CD36: variants seen among roughly 807,000 people sequenced by gnomAD.
CD36 encodes CD36 molecule (CD36 blood group).
A neutral mutation model predicts 55.2 loss-of-function variants in CD36; 119 were observed. The ratio of observed to expected loss-of-function variants is 2.15; its 90% CI spans 1.86 to 2.51. The LOEUF is 2.51. Among genes scored for constraint, CD36 ranks in the 30% most tolerant of loss-of-function variants. CD36 has a pLI of 0.00. For missense variants in CD36, 819 were observed against 555.5 expected (o/e 1.47, Z -4.77); for synonymous variants, 186 against 193.6 (o/e 0.96, Z 0.33).
At chr7:80,676,319 A>C (rs997981633) in intron 14 of CD36, 65 bp from the exon 15 acceptor site, 4 of 151,890 alleles carry the variant, frequency 2.6e-5, no homozygotes, top group Non-Finnish European at 4.4e-5. Context: ...ACCTTGCACA[A>C]AAAAAAACCC....
At chr7:80,664,374 AG>A (rs1226999414) in intron 6 of CD36, 31 bp from the exon 7 acceptor site, 1 of 1,147,348 alleles carries the variant, frequency 8.7e-7, no homozygotes. Context: ...AATGACTTGT[AG>A]AAGTAACATT....
intron 5 of CD36, 48 bp from the exon 6 acceptor site, chr7:80,662,942 A>G: frequency 7.0e-7 from 1 of 1,432,456 alleles, no homozygotes. Flanking sequence ...TTATTTGTTA[A>G]AATCTAATAT....
At position 80,663,133 on chromosome 7, in the gene CD36, G is replaced by A. The variant is rs5956; in HGVS notation, c.573G>A (p.Pro191=). ...GGGATCCATTTTTGAGTTTGGTTCC[G>A]TACCCTGTTACTACCACAGTTGGTC... ...GYRDPFLSLV[P]YPVTTTVGLF... The change falls in exon 6 of 15, where the codon CCG becomes CCA. Residue 191 remains proline, a synonymous_variant. Transcript: ENST00000447544. 38,605 of 1,613,100 alleles carry A rather than the reference G, an allele frequency of 0.024. 579 individuals carry two copies. The highest frequency in any genetic ancestry group is 0.028 in the Non-Finnish European group (32,822 of 1,179,272).
intron 1 of CD36, among the ~76,000 whole-genome samples, chr7:80,611,303 A>C (rs986085747): frequency 6.6e-6 from 1 of 152,092 alleles, no homozygotes; most frequent in African/African-American, 2.4e-5. Context: ...CATACATGAC[A>C]CAGAGGCCCT....
intron 3 of CD36, among the ~76,000 whole-genome samples, chr7:80,651,805 G>C (rs949193495): frequency 1.3e-5 from 2 of 152,028 alleles, no homozygotes; most frequent in Non-Finnish European, 2.9e-5. Context: ...AGCTTTTGTG[G>C]GGCTGAAGTG....
At chr7:80,611,961 T>C (rs1792899116) in intron 1 of CD36, among the ~76,000 whole-genome samples, 1 of 152,218 alleles carries the variant, frequency 6.6e-6, no homozygotes, top group East Asian at 1.9e-4. Flanking sequence ...AGAATGATTT[T>C]ATCTAAAGTA....
chr7:80,677,155 C>T lies in CD36; in HGVS notation c.*772C>T, dbSNP rs1314768985. The T allele has an allele frequency of 6.6e-6, 1 of 152,104 alleles. No homozygotes were observed. The highest frequency in any genetic ancestry group is 1.9e-4 in the East Asian group (1 of 5,188). 9.4% of individuals were successfully genotyped at this position (152,104 alleles called of 1,614,324 possible). A position where few individuals can be genotyped will look rare whatever the true frequency, so the allele number is the denominator to read the frequency against. ...CTTTCTAAATTTCTACCACTTTGTT[C>T]TAGGCTAATTTTTTAAGCTAATTGG... On this transcript the variant is annotated 3_prime_UTR_variant, in exon 15 of 15. Coordinates refer to ENST00000447544, the MANE Select transcript of CD36 (RefSeq NM_001001548.3).
At chr7:80,622,351 G>A (rs1038846028) in intron 1 of CD36, among the ~76,000 whole-genome samples, 1 of 152,226 alleles carries the variant, frequency 6.6e-6, no homozygotes, top group Non-Finnish European at 1.5e-5. Flanking sequence ...AGGGTCCCCG[G>A]CTTGCAAAGA....
rs1253093723 is a variant in CD36 at position 80,676,900 on chromosome 7, T to C, written c.*517T>C. The C allele has an allele frequency of 6.6e-6, 1 of 152,180 alleles. No individual in the cohort carries two copies. Among genetic ancestry groups the C allele is most frequent in the Admixed American group, 6.5e-5 (1 of 15,268 alleles). 9.4% of individuals were successfully genotyped at this position (152,180 alleles called of 1,614,324 possible). On this transcript the variant is annotated 3_prime_UTR_variant, in exon 15 of 15. Coordinates refer to ENST00000447544, the MANE Select transcript of CD36 (RefSeq NM_001001548.3). ...TGTAAATGATAAAGGAATTATTGTA[T>C]GAAATATTACAAAGCGTAGACTATG...
intron 8 of CD36, among the ~76,000 whole-genome samples, chr7:80,666,699 C>T (rs1173697448): frequency 1.3e-5 from 2 of 152,180 alleles, no homozygotes; most frequent in East Asian, 1.9e-4. Flanking sequence ...AAAATTAGCC[C>T]TTACTGCATG....
rs754739281 is a variant in CD36, at chr7:80,646,767, C to G, written c.27C>G (p.Leu9=). 1.2e-6 allele frequency: 2 copies of G among 1,613,886 alleles called. No individual in the cohort carries two copies. The highest frequency in any genetic ancestry group is 1.3e-5 in the African/African-American group (1 of 74,908). ...TGGGCTGTGACCGGAACTGTGGGCTCATCGCTGGGGCTGTCATTGGTGCTG... is the reference window on the plus strand; with the variant it reads ...TGGGCTGTGACCGGAACTGTGGGCTGATCGCTGGGGCTGTCATTGGTGCTG... The part of the protein sequence containing the change: MGCDRNCG[L]IAGAVIGAVL... The change falls in exon 3 of 15, where the codon CTC becomes CTG. Residue 9 remains leucine (L), a synonymous_variant. Transcript: ENST00000447544.
At chr7:80,655,935 GAAAAGA>G (rs765791655) in intron 3 of CD36, among the ~76,000 whole-genome samples, 10,718 of 148,972 alleles carry the variant, frequency 0.072, 402 homozygotes, top group Middle Eastern at 0.12. Flanking sequence ...AAAAAAAAAA[GAAAAGA>G]AAAAGAAAAA....
intron 4 of CD36, among the ~76,000 whole-genome samples, chr7:80,657,624 C>G (rs3211867): frequency 6.6e-6 from 1 of 152,018 alleles, no homozygotes; most frequent in African/African-American, 2.4e-5. Context: ...TTTTGTATAC[C>G]TTTTCTTCCA....
chr7:80,659,418 T>A (rs1165464208), intron 4 of CD36, among the ~76,000 whole-genome samples: 2 of 152,230 alleles, frequency 1.3e-5, no homozygotes, highest in East Asian at 3.9e-4. Context: ...ATGAAGATGC[T>A]GTAATTCCTT....
intron 1 of CD36, among the ~76,000 whole-genome samples, chr7:80,640,821 A>T (rs527609952): frequency 6.6e-6 from 1 of 152,198 alleles, no homozygotes; most frequent in South Asian, 2.1e-4. Context: ...TTATTGCATT[A>T]GTTTTTAAAG....
intron 13 of CD36, chr7:80,673,705 A>T (rs567694811): frequency 1.8e-6 from 1 of 561,078 alleles, no homozygotes; most frequent in African/African-American, 1.9e-5. Flanking sequence ...AGCTATAAAA[A>T]TAGGAAAAAC....
chr7:80,664,301 T>G (rs1351849531), intron 6 of CD36, 105 bp from the exon 7 acceptor site: 1 of 729,988 alleles, frequency 1.4e-6, no homozygotes, highest in Non-Finnish European at 2.5e-6. Flanking sequence ...GTATTTCAAG[T>G]CATTTGAGTA....
intron 1 of CD36, among the ~76,000 whole-genome samples, chr7:80,617,706 G>A (rs1446310958): frequency 7.1e-6 from 1 of 140,816 alleles, no homozygotes; most frequent in East Asian, 2.0e-4. Context: ...CAGTCTGAAC[G>A]ACAGAGCGAG....
intron 9 of CD36, chr7:80,670,603 TA>T (rs764989485): frequency 9.7e-4 from 273 of 280,142 alleles, no homozygotes; most frequent in Non-Finnish European, 1.5e-3. Flanking sequence ...ATCCAGCATG[TA>T]TATGCATACA....
Sources: allele counts gnomAD v4.1 joint callset (sites outside exome capture counted in the v4.1 genomes callset), GRCh38; gene constraint gnomAD v4.1.1; transcripts MANE v1.5; gene names NCBI Gene and HGNC (gene_info 2026-07-23, HGNC 2026-07-21).